Variants in CACNA1H observed in about 807,000 individuals in gnomAD.
CACNA1H encodes the protein voltage-dependent T-type calcium channel subunit alpha-1H.
CACNA1H carries 149 observed loss-of-function variants against 192.5 expected under a neutral mutation model. That is an observed-to-expected ratio of 0.77 (90% CI 0.68 to 0.89). The LOEUF (loss-of-function observed/expected upper bound fraction) is 0.89, where lower values mean the gene tolerates loss of function less well. Ranked by LOEUF, CACNA1H falls within the 40% of genes least tolerant of loss-of-function variation. The pLI is 0.00. For missense variants in CACNA1H, 4,257 were observed against 3,423.5 expected, an observed-to-expected ratio of 1.24 and a Z score of -6.08; for synonymous variants, 2,202 against 1,475.2, an observed-to-expected ratio of 1.49 and a Z score of -11.29.
At chr16:1,195,709 C>G (rs1011546545) in intron 4 of CACNA1H, 144 bp downstream of exon 4, 13 of 1,065,712 alleles carry the variant, frequency 1.2e-5, no homozygotes, top group African/African-American at 7.9e-5. Flanking sequence ...TCTGGGACTC[C>G]GGAGACCCTC....
intron 2 of CACNA1H, among the ~76,000 whole-genome samples, chr16:1,190,579 G>A (rs899911960): frequency 2.0e-5 from 3 of 152,252 alleles, no homozygotes; most frequent in Non-Finnish European, 4.4e-5. Context: ...TGGTGGCTGG[G>A]GTGTGACCCG....
intron 30 of CACNA1H, among the ~76,000 whole-genome samples, chr16:1,216,259 CCA>C (rs1301953394): frequency 1.3e-5 from 2 of 152,344 alleles, no homozygotes; most frequent in Non-Finnish European, 2.9e-5. Context: ...TCAGCTGTCC[CCA>C]CTCACCCTGT....
chr16:1,198,925 C>T (rs1449186803), intron 6 of CACNA1H, 151 bp downstream of exon 6: 3 of 715,970 alleles, frequency 4.2e-6, no homozygotes, highest in Non-Finnish European at 6.9e-6. Flanking sequence ...GCTCCGTCCA[C>T]CATGCTGTCT....
chr16:1,172,627 G>A (rs566314285), intron 2 of CACNA1H, among the ~76,000 whole-genome samples: 142 of 152,254 alleles, frequency 9.3e-4, no homozygotes, highest in Non-Finnish European at 1.8e-3. Context: ...GTAATTAAAC[G>A]ATTTATTATT....
At chr16:1,188,582 C>A (rs952210648) in intron 2 of CACNA1H, among the ~76,000 whole-genome samples, 30 of 152,368 alleles carry the variant, frequency 2.0e-4, no homozygotes, top group African/African-American at 5.0e-4. Context: ...TTGCTGCCCC[C>A]CACACAACAG....
chr16:1,213,889 C>T lies in CACNA1H; in HGVS notation c.4887C>T (p.Val1629=), dbSNP rs1969752180. 2.5e-6 allele frequency: 4 copies of T among 1,611,966 alleles called. No individual in the cohort carries two copies. In the South Asian group the frequency reaches 4.4e-5, roughly 18 times the overall value. ...TCTTCATCACCTTCATCATCTGTGT[C>T]AACGTCATCACCATGTCCATGGAGC... ...LDLFITFIIC[V]NVITMSMEHY... The change falls in exon 27 of 35, where the codon GTC becomes GTT. Residue 1629 remains valine, a synonymous_variant. Coordinates refer to ENST00000348261, the MANE Select transcript of CACNA1H (RefSeq NM_021098.3).
At chr16:1,165,321 C>G (rs1355475255) in intron 2 of CACNA1H, among the ~76,000 whole-genome samples, 1 of 152,202 alleles carries the variant, frequency 6.6e-6, no homozygotes, top group East Asian at 1.9e-4. Context: ...CAGACCCAGA[C>G]CCCAGTTGGT....
Position 1,204,321 on chromosome 16 carries a change from C to T in CACNA1H, c.2314C>T (p.Pro772Ser). The T allele has an allele frequency of 6.3e-7, 1 of 1,598,310 alleles. No homozygotes were observed. The highest frequency in any genetic ancestry group is 8.5e-7 in the Non-Finnish European group (1 of 1,171,042). The change falls in exon 10 of 35, where the codon CCA becomes TCA. Residue 772 changes from proline (P) to serine (S), a missense_variant. Pro to Ser is a moderately conservative substitution (Grantham distance 74). Coordinates refer to ENST00000348261, the MANE Select transcript of CACNA1H (RefSeq NM_021098.3). ...RAQQRAAPGE[P>S]GWMGRLWVTF... ...ACAGCAGAGGGCAGCCCCGGGCGAGCCAGGCTGGATGGGCCGCCTCTGGGT... is the reference window on the plus strand; with the variant it reads ...ACAGCAGAGGGCAGCCCCGGGCGAGTCAGGCTGGATGGGCCGCCTCTGGGT...
intron 2 of CACNA1H, among the ~76,000 whole-genome samples, chr16:1,191,578 G>A (rs1966622895): frequency 5.8e-5 from 1 of 17,182 alleles, no homozygotes; most frequent in South Asian, 2.2e-3. Flanking sequence ...GGCTGGCCTG[G>A]CTGTGTGGCC....
At position 1,201,985 on chromosome 16, in the gene CACNA1H, C is replaced by A; in HGVS notation, c.1535C>A (p.Ala512Asp). ...CAGCGCCGGGCAGGCAGGCACACAG[C>A]CTCGGTGCACCACCTGGTCTACCAC... is the stretch of plus-strand genomic sequence containing the variant. ...HRQRRAGRHTASVHHLVYHHH... is the reference protein window; with the variant it reads ...HRQRRAGRHTDSVHHLVYHHH... Residue 512 changes from alanine (A) to aspartate (D), a missense_variant, in exon 9 of 35, where the codon GCC (alanine) becomes GAC (aspartate). Physicochemically the swap from Ala to Asp is moderately radical, Grantham distance 126. Coordinates refer to ENST00000348261, the MANE Select transcript of CACNA1H (RefSeq NM_021098.3). The A allele has an allele frequency of 6.5e-7, 1 of 1,541,134 alleles. No individual in the cohort carries two copies. Among genetic ancestry groups the A allele is most frequent in the Non-Finnish European group, 8.7e-7 (1 of 1,143,828 alleles).
rs749624753 is a variant in CACNA1H, at chr16:1,215,503, C to T, written c.5174-20C>T. ...GGGAGGGTCCGCCCAGCCCTGCTGA[C>T]GCTCAGCTCCCGGCCCTAGTGCTGA... On this transcript the variant is annotated intron_variant, in intron 29 of 34. Transcript: ENST00000348261. 48 of 1,608,820 alleles carry T rather than the reference C, an allele frequency of 3.0e-5. 1 individual carries two copies. Among genetic ancestry groups the T allele is most frequent in the Middle Eastern group, 1.7e-4 (1 of 5,986 alleles).
chr16:1,207,620 C>T (rs951302382), intron 14 of CACNA1H, 150 bp from the exon 15 acceptor site: 4 of 904,698 alleles, frequency 4.4e-6, no homozygotes, highest in African/African-American at 1.7e-5. Context: ...AGGCAGATTC[C>T]TCACCTACCT....
intron 3 of CACNA1H, 70 bp from the exon 4 acceptor site, chr16:1,195,361 CG>C: frequency 1.4e-6 from 2 of 1,399,776 alleles, no homozygotes; most frequent in Non-Finnish European, 1.9e-6. Flanking sequence ...CGGGCTCTTG[CG>C]GGGCTGGGGT....
intron 2 of CACNA1H, among the ~76,000 whole-genome samples, chr16:1,154,869 G>T (rs1962096689): frequency 6.6e-6 from 1 of 152,204 alleles, no homozygotes; most frequent in Non-Finnish European, 1.5e-5. Flanking sequence ...CCTTGGGGGC[G>T]GGTCTCCGCG....
intron 2 of CACNA1H, among the ~76,000 whole-genome samples, chr16:1,162,308 C>T (rs914515083): frequency 3.9e-5 from 6 of 152,116 alleles, no homozygotes; most frequent in Non-Finnish European, 8.8e-5. Flanking sequence ...CAGCTGCGAG[C>T]AGGGGTGCAG....
intron 3 of CACNA1H, 70 bp from the exon 4 acceptor site, chr16:1,195,362 G>C (rs556759170): frequency 2.6e-6 from 4 of 1,541,160 alleles, no homozygotes; most frequent in Non-Finnish European, 3.5e-6. Flanking sequence ...GGGCTCTTGC[G>C]GGGCTGGGGT....
intron 2 of CACNA1H, among the ~76,000 whole-genome samples, chr16:1,170,282 C>T (rs897756845): frequency 1.3e-5 from 2 of 152,240 alleles, no homozygotes; most frequent in South Asian, 2.1e-4. Flanking sequence ...CTCCCCACGC[C>T]TTCGGGCCTT....
rs560884609 is a variant in CACNA1H at position 1,212,097 on chromosome 16, G to A, written c.4718G>A (p.Arg1573Gln). 1.3e-5 allele frequency: 21 copies of A among 1,611,478 alleles called. No homozygotes were observed. The highest frequency in any genetic ancestry group is 3.3e-5 in the Admixed American group (2 of 60,018). Residue 1573 changes from arginine to glutamine, a missense_variant, in exon 25 of 35, where the codon CGA becomes CAA. Arg to Gln is a conservative substitution (Grantham distance 43). Transcript: ENST00000348261. Reference protein sequence around the residue: ...QHQEAEEARRREEKRLRRLER... With the variant: ...QHQEAEEARRQEEKRLRRLER... ...CAGGAGGCGGAGGAGGCGCGGCGGC[G>A]AGAGGAGAAGCGGCTGCGGCGCCTA... is the stretch of plus-strand genomic sequence containing the variant.
intron 9 of CACNA1H, 57 bp from the exon 10 acceptor site, chr16:1,203,953 G>A: frequency 7.5e-7 from 1 of 1,337,026 alleles, no homozygotes; most frequent in Non-Finnish European, 1.0e-6. Flanking sequence ...AGGGTTCCCG[G>A]GCCCTTGTGG....
Sources: gnomAD v4.1 joint callset for allele counts (sites outside exome capture counted in the v4.1 genomes callset) on GRCh38, gnomAD v4.1.1 for gene constraint, MANE v1.5 for transcripts, NCBI Gene and HGNC (gene_info 2026-07-23, HGNC 2026-07-21) for gene names.